RBFOX1: variants seen among roughly 807,000 people sequenced by gnomAD.
RBFOX1 encodes RNA binding fox-1 homolog 1.
A neutral mutation model predicts 57.7 loss-of-function variants in RBFOX1; 8 were observed. The ratio of observed to expected loss-of-function variants is 0.14; its 90% confidence interval spans 0.08 to 0.25. RBFOX1 has a LOEUF of 0.25. Ranked by LOEUF, RBFOX1 falls within the 10% of genes least tolerant of loss-of-function variation. RBFOX1 has a pLI of 1.00. For missense variants in RBFOX1, 611 were observed against 548.5 expected (o/e 1.11, Z -1.14); for synonymous variants, 326 against 222.4 (o/e 1.47, Z -4.15).
At chr16:7,493,244 G>A (rs947105190) in intron 4 of RBFOX1, among the ~76,000 whole-genome samples, 1 of 152,132 alleles carries the variant, frequency 6.6e-6, no homozygotes, top group African/African-American at 2.4e-5. Context: ...AACACACTCA[G>A]TCAGACTGTC....
chr16:5,706,486 G>C (rs1321802209), intron 3 of RBFOX1, among the ~76,000 whole-genome samples: 1 of 152,138 alleles, frequency 6.6e-6, no homozygotes, highest in African/African-American at 2.4e-5. Flanking sequence ...TGCAGAGAGG[G>C]TTGAAAACAC....
At chr16:5,962,198 T>C (rs2059763672) in intron 4 of RBFOX1, among the ~76,000 whole-genome samples, 1 of 152,224 alleles carries the variant, frequency 6.6e-6, no homozygotes, top group Non-Finnish European at 1.5e-5. Context: ...GGTCAAAACA[T>C]AGTCACATTC....
chr16:7,572,385 A>G (rs1353761524), intron 5 of RBFOX1, among the ~76,000 whole-genome samples: 1 of 152,192 alleles, frequency 6.6e-6, no homozygotes, highest in Non-Finnish European at 1.5e-5. Flanking sequence ...CACGGACTCC[A>G]GGTCAGCAGT....
At chr16:6,830,777 G>C (rs1175293125) in intron 3 of RBFOX1, among the ~76,000 whole-genome samples, 1 of 152,158 alleles carries the variant, frequency 6.6e-6, no homozygotes, top group African/African-American at 2.4e-5. Context: ...GACGTCCTCT[G>C]TTGAGATGGT....
chr16:6,020,069 A>T, intron 1 of RBFOX1, 77 bp downstream of exon 1: 1 of 1,343,618 alleles, frequency 7.4e-7, no homozygotes, highest in Non-Finnish European at 9.6e-7. Flanking sequence ...CATGGAGGGA[A>T]GCGCTAGGTC....
At chr16:6,564,652 A>T (rs1245024840) in intron 2 of RBFOX1, among the ~76,000 whole-genome samples, 5 of 152,046 alleles carry the variant, frequency 3.3e-5, no homozygotes, top group Non-Finnish European at 7.4e-5. Context: ...GGGTGGGGGA[A>T]ATGGAGAGCT....
At chr16:7,589,939 G>GTA (rs2094353158) in intron 7 of RBFOX1, among the ~76,000 whole-genome samples, 1 of 149,136 alleles carries the variant, frequency 6.7e-6, no homozygotes, top group African/African-American at 2.4e-5. Flanking sequence ...GTGTGTGTGT[G>GTA]TGTGTGTGTG....
chr16:7,093,932 G>A (rs1372972147), intron 4 of RBFOX1, among the ~76,000 whole-genome samples: 1 of 151,748 alleles, frequency 6.6e-6, no homozygotes, highest in Non-Finnish European at 1.5e-5. Context: ...ATAATGGTGT[G>A]ACTATATAAG....
At chr16:6,804,116 C>G (rs1193859192) in intron 3 of RBFOX1, among the ~76,000 whole-genome samples, 3 of 151,984 alleles carry the variant, frequency 2.0e-5, no homozygotes, top group Non-Finnish European at 4.4e-5. Context: ...AAGTGATTCT[C>G]CTTGCCTCAG....
chr16:7,582,492 C>A (rs1034977), intron 6 of RBFOX1, among the ~76,000 whole-genome samples: 119,789 of 152,126 alleles, frequency 0.79, 48,820 homozygotes, highest in Middle Eastern at 0.91. Context: ...AAAATCTGTT[C>A]TTTCCTGCCA....
chr16:5,969,687 G>C (rs1303729210), intron 4 of RBFOX1, among the ~76,000 whole-genome samples: 1 of 151,822 alleles, frequency 6.6e-6, no homozygotes, highest in Non-Finnish European at 1.5e-5. Context: ...TAACTTCACA[G>C]AGCTCCCTCT....
At chr16:6,275,718 C>T (rs1351434663) in intron 1 of RBFOX1, among the ~76,000 whole-genome samples, 1 of 152,052 alleles carries the variant, frequency 6.6e-6, no homozygotes. Flanking sequence ...GAGGAATTAA[C>T]AGTTTACTAA....
At chr16:6,282,165 G>C (rs564940529) in intron 1 of RBFOX1, among the ~76,000 whole-genome samples, 2 of 152,046 alleles carry the variant, frequency 1.3e-5, no homozygotes, top group Admixed American at 6.6e-5. Flanking sequence ...AGTATTGACT[G>C]TTTCTTGGGA....
At chr16:6,874,721 G>T (rs972105674) in intron 3 of RBFOX1, among the ~76,000 whole-genome samples, 1 of 151,818 alleles carries the variant, frequency 6.6e-6, no homozygotes, top group African/African-American at 2.4e-5. Context: ...TGGGAGCTAA[G>T]CTATAAGGAC....
chr16:7,348,311 C>G (rs1603626484), intron 4 of RBFOX1, among the ~76,000 whole-genome samples: 3 of 152,238 alleles, frequency 2.0e-5, no homozygotes, highest in South Asian at 4.1e-4. Flanking sequence ...TAATTCTTAT[C>G]TACTCTCATC....
chr16:7,592,883 C>T (rs866248067), intron 7 of RBFOX1, among the ~76,000 whole-genome samples: 1 of 152,110 alleles, frequency 6.6e-6, no homozygotes, highest in Non-Finnish European at 1.5e-5. Context: ...ACAATCACAG[C>T]TCACTGTAGC....
At position 5,946,439 on chromosome 16, in the gene RBFOX1, C is replaced by T. The variant is rs1206820690; in HGVS notation, c.351+79104C>T. Among the ~76,000 whole-genome samples, 1 of 152,144 alleles carries T rather than the reference C, an allele frequency of 6.6e-6. No homozygotes were observed. The highest frequency in any genetic ancestry group is 1.9e-4 in the East Asian group (1 of 5,198). On this transcript the variant is annotated intron_variant, in intron 4 of 19. Coordinates refer to the RBFOX1 transcript ENST00000641259. The surrounding 1 kb of genome is among the most constrained non-coding windows in gnomAD (Gnocchi z 4.6). ...TGCACTACTCTATCTTGCGACAGAG[C>T]CATGAACAGCTCAGCCAAGATCTCT...
chr16:7,322,390 A>C (rs539557265), intron 4 of RBFOX1, among the ~76,000 whole-genome samples: 2 of 152,364 alleles, frequency 1.3e-5, no homozygotes, highest in African/African-American at 4.8e-5. Context: ...CAGTGCTAGT[A>C]AACACGTCAA....
intron 3 of RBFOX1, among the ~76,000 whole-genome samples, chr16:5,715,216 A>G (rs990125780): frequency 1.3e-5 from 2 of 152,138 alleles, no homozygotes; most frequent in Non-Finnish European, 2.9e-5. Flanking sequence ...TTTTGAAACA[A>G]CCCTATAAAT....
Sources: gnomAD v4.1 joint callset for allele counts (sites outside exome capture counted in the v4.1 genomes callset) on GRCh38, gnomAD v4.1.1 for gene constraint, Gnocchi (gnomAD v3.1) non-coding constraint, MANE v1.5 for transcripts, NCBI Gene and HGNC (gene_info 2026-07-23, HGNC 2026-07-21) for gene names.